MARF1: variants seen among roughly 807,000 people sequenced by gnomAD.
MARF1 encodes limkain-b1.
In MARF1, 24 loss-of-function variants were observed where a neutral mutation model predicts 168.2. The observed-to-expected ratio is 0.14, with a 90% CI of 0.10 to 0.20. The LOEUF (loss-of-function observed/expected upper bound fraction) is 0.20. Ranked by LOEUF, MARF1 falls within the 10% of genes least tolerant of loss-of-function variation. The probability of loss-of-function intolerance (pLI) is 1.00; values close to 1 mark genes in which losing one functional copy is unlikely to be tolerated. For missense variants in MARF1, 1,744 were observed against 2,143.6 expected (o/e 0.81, Z 3.68); for synonymous variants, 868 against 822.4 (o/e 1.06, Z -0.95).
rs2033677706 is a variant in MARF1, at chr16:15,612,736, G to T, written c.3295C>A (p.Gln1099Lys). Residue 1099 changes from glutamine to lysine, a missense_variant, in exon 17 of 27, where the codon CAG (glutamine) becomes AAG (lysine). Gln to Lys is a moderately conservative substitution (Grantham distance 53). Around this residue, in one of 7 missense-constraint regions of MARF1, gnomAD observed 543 missense variants for 742.1 expected, o/e 0.73. Transcript: ENST00000396368. ...ACTTCTCTACTGAACTGGATCAGCT[G>T]GGGGTTACCTACAGGACTCTTCGAA... is the stretch of plus-strand genomic sequence containing the variant. ...LRSKSPVGNP[Q>K]LIQFSREVID... The T allele has an allele frequency of 3.1e-6, 5 of 1,614,144 alleles. No homozygotes were observed. Among genetic ancestry groups the T allele is most frequent in the Non-Finnish European group, 4.2e-6 (5 of 1,180,014 alleles).
At position 15,604,359 on chromosome 16, in the gene MARF1, T is replaced by G. The variant is rs779173015; in HGVS notation, c.4222A>C (p.Asn1408His). 4.3e-6 allele frequency: 7 copies of G among 1,613,998 alleles called. No individual in the cohort carries two copies. The East Asian group carries it at 1.3e-4, about 31-fold the overall frequency. Residue 1408 changes from asparagine to histidine, a missense_variant, in exon 22 of 27, where the codon AAC (asparagine) becomes CAC (histidine). By Grantham distance (68) the Asn-to-His change is moderately conservative (BLOSUM62 1). This residue lies in a region of MARF1 where 74 missense variants were observed against 66.7 expected (regional missense o/e 1.11). Coordinates refer to ENST00000396368, the MANE Select transcript of MARF1 (RefSeq NM_014647.4). ...GTGAGAGATCGCAGAGACTTTCGGT[T>G]GATCAGCTGAATCTGTCTGCCAGAT... ...IESGRQIQLI[N>H]RKSLRSLTAQ...
intron 2 of MARF1, among the ~76,000 whole-genome samples, chr16:15,637,995 C>G (rs764816410): frequency 4.0e-5 from 6 of 151,662 alleles, no homozygotes; most frequent in Non-Finnish European, 7.4e-5. Flanking sequence ...GGTGAAACCC[C>G]ATCTCTACTA....
At chr16:15,602,231 A>G in intron 22 of MARF1, 28 bp from the exon 23 acceptor site, 1 of 1,589,978 alleles carries the variant, frequency 6.3e-7, no homozygotes, top group South Asian at 1.1e-5. Context: ...GCAGCATTAG[A>G]AATATTAGTG....
Position 15,625,170 on chromosome 16 carries a change from G to T in MARF1, c.1957C>A (p.Leu653Met). The change falls in exon 9 of 27, where the codon CTG (leucine) becomes ATG (methionine). Residue 653 changes from leucine to methionine, a missense_variant. Physicochemically the swap from Leu to Met is conservative, Grantham distance 15 (BLOSUM62 2). This residue lies in a region of MARF1 where 270 missense variants were observed against 260.6 expected (regional missense o/e 1.04). Transcript: ENST00000396368. ...CCAGTTTTTGACTCCATGCGGCACA[G>T]CTCCTTCAAAGACACAAGCACAGTG... ...KNTNVKSLQE[L>M]CRMESKTGHR... 6.2e-7 allele frequency: 1 copy of T among 1,613,832 alleles called. No individual in the cohort carries two copies. The highest frequency in any genetic ancestry group is 8.5e-7 in the Non-Finnish European group (1 of 1,179,890).
intron 16 of MARF1, among the ~76,000 whole-genome samples, chr16:15,615,209 A>C (rs1379521230): frequency 6.6e-6 from 1 of 152,150 alleles, no homozygotes; most frequent in East Asian, 1.9e-4. Flanking sequence ...TGGTACTTTC[A>C]AACTGGCCAG....
At position 15,620,726 on chromosome 16, in the gene MARF1, A is replaced by G. The variant is rs200197040; in HGVS notation, c.2640-195T>C. Among the ~76,000 whole-genome samples, 28 of 152,342 alleles carry G rather than the reference A, an allele frequency of 1.8e-4. No individual in the cohort carries two copies. The East Asian group carries it at 5.2e-3, about 28-fold the overall frequency. On this transcript the variant is annotated intron_variant, in intron 12 of 26. Coordinates refer to ENST00000396368, the MANE Select transcript of MARF1 (RefSeq NM_014647.4). ...GCAATGAAAGAAGATTACGTTACAC[A>G]GTAGAATTAGTATCAATCATAGGGT...
Position 15,623,283 on chromosome 16 carries a change from T to TTTC in MARF1, c.2271-161_2271-160insGAA, listed in dbSNP as rs1165302140. On this transcript the variant is annotated intron_variant, in intron 10 of 26. Transcript: ENST00000396368. The stretch of plus-strand genomic sequence containing the variant: ...CAAATGTGTTTTTAATCTTTTTTTT[T>TTTC]TTTTTTTTTTTTTTGAGACAGAGTC... 6.2e-6 allele frequency: 3 copies of TTTC among 486,684 alleles called. No individual in the cohort carries two copies. In the African/African-American group the frequency reaches 6.9e-5, roughly 11 times the overall value. 30.1% of individuals were successfully genotyped at this position (486,684 alleles called of 1,614,324 possible).
chr16:15,599,044 C>T lies in MARF1; in HGVS notation c.4814-20G>A, dbSNP rs754491623. On this transcript the variant is annotated intron_variant, in intron 25 of 26. Coordinates refer to ENST00000396368, the MANE Select transcript of MARF1 (RefSeq NM_014647.4). Reference sequence around the variant, plus strand: ...TGGGCCCTGGGCAAACAAGGAGGGCCGTGACACCACAGGACCTCCACGCCC... The same window carrying T: ...TGGGCCCTGGGCAAACAAGGAGGGCTGTGACACCACAGGACCTCCACGCCC... The T allele has an allele frequency of 3.1e-6, 5 of 1,604,098 alleles. No individual in the cohort carries two copies. Among genetic ancestry groups the T allele is most frequent in the African/African-American group, 1.4e-5 (1 of 74,050 alleles).
chr16:15,633,391 A>G (rs2035377017), intron 5 of MARF1, among the ~76,000 whole-genome samples: 1 of 152,016 alleles, frequency 6.6e-6, no homozygotes, highest in South Asian at 2.1e-4. Flanking sequence ...TACAAAAAAT[A>G]AAAAATGAGC....
At chr16:15,624,743 C>A (rs1228422980) in intron 10 of MARF1, 26 bp downstream of exon 10, 2 of 1,606,392 alleles carry the variant, frequency 1.2e-6, no homozygotes, top group Non-Finnish European at 1.7e-6. Flanking sequence ...TGTAACCACC[C>A]CCATGGGTCA....
At chr16:15,613,128 T>G (rs987521735) in intron 16 of MARF1, among the ~76,000 whole-genome samples, 1 of 152,182 alleles carries the variant, frequency 6.6e-6, no homozygotes. Flanking sequence ...CTTGGTCATG[T>G]GGAACGTACC....
At chr16:15,600,189 T>C (rs1424850493) in intron 25 of MARF1, among the ~76,000 whole-genome samples, 1 of 152,140 alleles carries the variant, frequency 6.6e-6, no homozygotes, top group Non-Finnish European at 1.5e-5. Flanking sequence ...AAGATGATCA[T>C]TATGGGGGTG....
chr16:15,603,755 G>A (rs1052735468), intron 22 of MARF1, among the ~76,000 whole-genome samples: 22 of 119,398 alleles, frequency 1.8e-4, no homozygotes, highest in African/African-American at 5.8e-4. Context: ...CGCCATTCTT[G>A]AAAGGCTGCC....
In MARF1 at chr16:15,604,347, G is replaced by C. The variant is rs942446405; in HGVS notation, c.4234C>G (p.Leu1412Val). ...AGCAACTGGGCAGTGAGAGATCGCAGAGACTTTCGGTTGATCAGCTGAATC... is the reference window on the plus strand; with the variant it reads ...AGCAACTGGGCAGTGAGAGATCGCACAGACTTTCGGTTGATCAGCTGAATC... ...RQIQLINRKS[L>V]RSLTAQLLVL... is the part of the protein sequence containing the mutation. The change falls in exon 22 of 27, where the codon CTG (leucine) becomes GTG (valine). Residue 1412 changes from leucine to valine, a missense_variant. By Grantham distance (32) the Leu-to-Val change is conservative. Transcript: ENST00000396368. The C allele has an allele frequency of 5.6e-6, 9 of 1,614,034 alleles. No homozygotes were observed. Among genetic ancestry groups the C allele is most frequent in the Admixed American group, 3.3e-5 (2 of 59,992 alleles).
At chr16:15,621,583 T>C in intron 12 of MARF1, 150 bp downstream of exon 12, 1 of 799,568 alleles carries the variant, frequency 1.3e-6, no homozygotes, top group Non-Finnish European at 1.9e-6. Context: ...AAATGGCTTG[T>C]TTCTAACTGT....
intron 2 of MARF1, among the ~76,000 whole-genome samples, chr16:15,638,312 G>A (rs1227802394): frequency 2.0e-5 from 3 of 152,066 alleles, no homozygotes; most frequent in East Asian, 1.9e-4. Flanking sequence ...TTGGCTGGAC[G>A]CGGTGGCTCA....
chr16:15,616,754 G>C, intron 15 of MARF1: 1 of 292,496 alleles, frequency 3.4e-6, no homozygotes, highest in Non-Finnish European at 6.4e-6. Context: ...TGGACAGCCT[G>C]TTACTGTACT....
chr16:15,610,461 G>GC (rs898534169), intron 19 of MARF1: 15 of 152,972 alleles, frequency 9.8e-5, no homozygotes, highest in African/African-American at 3.6e-4. Context: ...CGAAAAATTG[G>GC]CCCCCAGTAT....
chr16:15,608,144 A>G, intron 21 of MARF1, 147 bp downstream of exon 21: 1 of 620,682 alleles, frequency 1.6e-6, no homozygotes, highest in Non-Finnish European at 2.8e-6. Context: ...CTAATGACAC[A>G]AAACGAGTCA....
Sources: gnomAD v4.1 joint callset for allele counts (sites outside exome capture counted in the v4.1 genomes callset) on GRCh38, gnomAD v4.1.1 for gene constraint, gnomAD v4.1.1 regional missense constraint, MANE v1.5 for transcripts, NCBI Gene and HGNC (gene_info 2026-07-23, HGNC 2026-07-21) for gene names.